The following ERO1B variants were observed in gnomAD, a reference collection of about 807,000 sequenced individuals.
ERO1B encodes endoplasmic reticulum oxidoreductase 1 beta, also known as ERO1-like protein beta.
Under a neutral mutation model 75.3 loss-of-function variants are expected in ERO1B, and 49 were observed. The ratio of observed to expected loss-of-function variants is 0.65; its 90% CI spans 0.52 to 0.83. The LOEUF (loss-of-function observed/expected upper bound fraction) is 0.83. Ranked by LOEUF, ERO1B falls within the 40% of genes least tolerant of loss-of-function variation. ERO1B has a pLI of 0.00. For synonymous variants in ERO1B, 191 were observed against 192.9 expected (o/e 0.99, Z 0.08); for missense variants, 512 against 560.1 (o/e 0.91, Z 0.87).
chr1:236,281,870 T>G lies in ERO1B; in HGVS notation c.-87A>C. 2 of 1,002,602 alleles carry G rather than the reference T, an allele frequency of 2.0e-6. No homozygotes were observed. 62.1% of individuals were successfully genotyped at this position (1,002,602 alleles called of 1,614,324 possible). A position where few individuals can be genotyped will look rare whatever the true frequency, so the allele number is the denominator to read the frequency against. ...CCAGGCGACGACCCAAGGGGACGGT[T>G]CCCAGCGGCCGAGCGACTCCAGGGT... On this transcript the variant is annotated 5_prime_UTR_variant, in exon 1 of 16. Coordinates refer to ENST00000354619, the MANE Select transcript of ERO1B (RefSeq NM_019891.4).
At chr1:236,262,704 C>T (rs1017645498) in intron 2 of ERO1B, among the ~76,000 whole-genome samples, 3 of 152,114 alleles carry the variant, frequency 2.0e-5, no homozygotes, top group Non-Finnish European at 2.9e-5. Context: ...CATGCCCAGC[C>T]CTGCTGTTTT....
At chr1:236,254,608 T>A (rs565607695) in intron 2 of ERO1B, among the ~76,000 whole-genome samples, 1 of 152,152 alleles carries the variant, frequency 6.6e-6, no homozygotes, top group South Asian at 2.1e-4. Flanking sequence ...TGTCTCAAGA[T>A]CTTTATTTTT....
intron 1 of ERO1B, among the ~76,000 whole-genome samples, chr1:236,272,383 T>A (rs2695043): frequency 0.91 from 138,994 of 151,922 alleles, 64,825 homozygotes; most frequent in East Asian, 1. Context: ...GTAGCCATTT[T>A]AAAAAAATGA....
intron 1 of ERO1B, among the ~76,000 whole-genome samples, chr1:236,276,142 G>C (rs1665706774): frequency 1.3e-5 from 2 of 152,150 alleles, no homozygotes; most frequent in South Asian, 4.1e-4. Context: ...GTATAAGGGG[G>C]GAAGACTGTG....
intron 5 of ERO1B, among the ~76,000 whole-genome samples, chr1:236,246,560 T>C (rs1000523339): frequency 1.3e-5 from 2 of 152,188 alleles, no homozygotes; most frequent in Admixed American, 6.6e-5. Context: ...TATAGAATAC[T>C]ATGTGCCAAT....
intron 3 of ERO1B, among the ~76,000 whole-genome samples, chr1:236,252,301 A>G (rs1219878445): frequency 6.6e-6 from 1 of 152,202 alleles, no homozygotes; most frequent in Non-Finnish European, 1.5e-5. Context: ...AGTATAGAAA[A>G]CTGAATGACA....
chr1:236,240,604 A>T (rs1357191279), intron 6 of ERO1B, among the ~76,000 whole-genome samples: 6 of 152,240 alleles, frequency 3.9e-5, no homozygotes, highest in Admixed American at 2.6e-4. Context: ...TTTAAGGGAA[A>T]AAATAAAACT....
At chr1:236,220,665 G>C (rs559898737) in intron 15 of ERO1B, 167 bp downstream of exon 15, 37 of 536,730 alleles carry the variant, frequency 6.9e-5, no homozygotes, top group African/African-American at 6.2e-4. Context: ...ATGACCTGTA[G>C]AGAAACTGAC....
intron 6 of ERO1B, among the ~76,000 whole-genome samples, chr1:236,242,651 A>G (rs1664741253): frequency 6.6e-6 from 1 of 152,102 alleles, no homozygotes; most frequent in African/African-American, 2.4e-5. Flanking sequence ...GAAGAGTTCC[A>G]AAGAACTACT....
At chr1:236,266,399 T>C (rs1173960537) in intron 2 of ERO1B, among the ~76,000 whole-genome samples, 1 of 152,070 alleles carries the variant, frequency 6.6e-6, no homozygotes, top group African/African-American at 2.4e-5. Flanking sequence ...AGATCAGGAG[T>C]TGCGGACCAG....
intron 8 of ERO1B, among the ~76,000 whole-genome samples, chr1:236,233,636 A>G (rs985622518): frequency 1.3e-5 from 2 of 151,240 alleles, no homozygotes; most frequent in Non-Finnish European, 2.9e-5. Flanking sequence ...TTAAAATACA[A>G]TAACATCAGA....
At chr1:236,274,800 G>A (rs1258034185) in intron 1 of ERO1B, among the ~76,000 whole-genome samples, 3 of 152,052 alleles carry the variant, frequency 2.0e-5, no homozygotes, top group Admixed American at 2.0e-4. Flanking sequence ...TTCTCATAGG[G>A]AAAAGGGGGT....
At chr1:236,245,331 TATATATATACGTATATATATAC>T in intron 5 of ERO1B, among the ~76,000 whole-genome samples, 2 of 27,614 alleles carry the variant, frequency 7.2e-5, no homozygotes, top group Non-Finnish European at 1.2e-4. Flanking sequence ...TACACACACG[TATATATATACGTATATATATAC>T]ACACGTATAT....
intron 1 of ERO1B, among the ~76,000 whole-genome samples, chr1:236,279,680 A>AAC (rs1553375621): frequency 1.0e-4 from 15 of 148,472 alleles, no homozygotes; most frequent in African/African-American, 2.2e-4. Context: ...AAAAAAAAAA[A>AAC]ACACACACAC....
chr1:236,221,249 A>G (rs559497325), intron 14 of ERO1B, among the ~76,000 whole-genome samples: 2 of 152,268 alleles, frequency 1.3e-5, no homozygotes, highest in Admixed American at 6.5e-5. Flanking sequence ...CCATATTAGG[A>G]TTACAATGTT....
chr1:236,276,522 AGAGT>A, intron 1 of ERO1B, among the ~76,000 whole-genome samples: 1 of 152,314 alleles, frequency 6.6e-6, no homozygotes, highest in South Asian at 2.1e-4. Context: ...TATTTCAAGG[AGAGT>A]GAGTGATGAG....
Position 236,281,822 on chromosome 1 carries a change from G to A in ERO1B, c.-39C>T. 1 of 1,348,012 alleles carries A rather than the reference G, an allele frequency of 7.4e-7. No individual in the cohort carries two copies. Among genetic ancestry groups the A allele is most frequent in the Non-Finnish European group, 9.6e-7 (1 of 1,037,238 alleles). The allele number at this position is 1,348,012 out of a possible 1,614,324, so 83.5% of individuals were successfully genotyped here. A position where few individuals can be genotyped will look rare whatever the true frequency, so the allele number is the denominator to read the frequency against. ...CACACCGCGGCCAGCCGGACCCCTC[G>A]GGGCCGGGGAACGACGGGCGGCCCA... On this transcript the variant is annotated 5_prime_UTR_variant, in exon 1 of 16. Coordinates refer to ENST00000354619, the MANE Select transcript of ERO1B (RefSeq NM_019891.4).
chr1:236,237,769 ATGACCACAGACTGGGAT>A (rs747548415), intron 6 of ERO1B, among the ~76,000 whole-genome samples: 7 of 152,138 alleles, frequency 4.6e-5, no homozygotes, highest in Non-Finnish European at 1.0e-4. Context: ...TGGACAGTCA[ATGACCACAGACTGGGAT>A]TATCCATGAT....
chr1:236,253,021 C>T (rs964373851), intron 3 of ERO1B, among the ~76,000 whole-genome samples: 7 of 151,616 alleles, frequency 4.6e-5, no homozygotes, highest in African/African-American at 1.7e-4. Context: ...CCTGAAATTT[C>T]CCCAATTAAA....
Sources: allele counts gnomAD v4.1 joint callset (sites outside exome capture counted in the v4.1 genomes callset), GRCh38; gene constraint gnomAD v4.1.1; transcripts MANE v1.5; gene names NCBI Gene and HGNC (gene_info 2026-07-23, HGNC 2026-07-21).